Variants in COG6 observed in about 807,000 individuals in gnomAD.
COG6 encodes conserved oligomeric Golgi complex subunit 6.
Under a neutral mutation model 88.8 loss-of-function variants are expected in COG6, and 74 were observed. The observed-to-expected ratio is 0.83, with a 90% CI of 0.69 to 1.01. The LOEUF (loss-of-function observed/expected upper bound fraction) is 1.01, where lower values mean the gene tolerates loss of function less well. Among genes scored for constraint, COG6 ranks in the 50% least tolerant of loss-of-function variants. The probability of loss-of-function intolerance (pLI) is 0.00; values close to 1 mark genes in which losing one functional copy is unlikely to be tolerated. For synonymous variants in COG6, 286 were observed against 278.7 expected (o/e 1.03, Z -0.26); for missense variants, 800 against 797.9 (o/e 1.00, Z -0.03).
chr13:39,782,963 G>A (rs1257049292), intron 18 of COG6, among the ~76,000 whole-genome samples: 1 of 152,208 alleles, frequency 6.6e-6, no homozygotes, highest in Non-Finnish European at 1.5e-5. Flanking sequence ...ATGATGGTTA[G>A]ACAAGTATGT....
intron 5 of COG6, chr13:39,678,019 C>T: frequency 4.5e-6 from 2 of 442,000 alleles, no homozygotes; most frequent in Non-Finnish European, 9.0e-6. Context: ...CATATGTTCT[C>T]TTTATCTCCT....
At chr13:39,754,765 G>A (rs979126810), downstream of COG6, among the ~76,000 whole-genome samples, 8 of 152,138 alleles carry the variant, frequency 5.3e-5, no homozygotes, top group Non-Finnish European at 7.4e-5. Flanking sequence ...TGTGTTTCCC[G>A]TTGAGGAATT....
chr13:39,752,584 AT>A lies in COG6; in HGVS notation c.*1493del. 1 of 1,263,826 alleles carries A rather than the reference AT, an allele frequency of 7.9e-7. No homozygotes were observed. Among genetic ancestry groups the A allele is most frequent in the Non-Finnish European group, 1.0e-6 (1 of 972,912 alleles). 78.3% of individuals were successfully genotyped at this position (1,263,826 alleles called of 1,614,324 possible). ...TTCCTTTGTTTTATAGGGAAAATTT[AT>A]TGTGCTTTTTACCTGGTTTTTTCAA... On this transcript the variant is annotated 3_prime_UTR_variant, in exon 19 of 19. Coordinates refer to ENST00000455146, the MANE Select transcript of COG6 (RefSeq NM_020751.3).
Position 39,699,615 on chromosome 13 carries a change from C to A in COG6, c.1281C>A (p.Asp427Glu). The A allele has an allele frequency of 7.7e-7, 1 of 1,294,416 alleles. No individual in the cohort carries two copies. The highest frequency in any genetic ancestry group is 1.2e-5 in the South Asian group (1 of 84,264). 80.2% of individuals were successfully genotyped at this position (1,294,416 alleles called of 1,614,324 possible). Residue 427 changes from aspartate (D) to glutamate (E), a missense_variant, in exon 13 of 19, where the codon GAC becomes GAA. Coordinates refer to ENST00000455146, the MANE Select transcript of COG6 (RefSeq NM_020751.3). Reference protein sequence around the residue: ...SLSLHASKLMDKVELPPPDLG... With the variant: ...SLSLHASKLMEKVELPPPDLG... ...GTCTTCATGCAAGTAAATTAATGGA[C>A]AAGGTATGTTTGAAAAATGTAATTA...
At position 39,750,925 on chromosome 13, in the gene COG6, A is replaced by G. The variant is rs1880586682; in HGVS notation, c.1827-21A>G. On this transcript the variant is annotated intron_variant, in intron 18 of 18. Coordinates refer to ENST00000455146, the MANE Select transcript of COG6 (RefSeq NM_020751.3). ...TATTTTTTTCAAATGATGTGTTTAC[A>G]TTTTGTTTGCTTATCAATAGAGAGC... The G allele has an allele frequency of 3.7e-6, 6 of 1,604,138 alleles. No individual in the cohort carries two copies. The African/African-American group carries it at 4.0e-5, about 11-fold the overall frequency.
Position 39,679,568 on chromosome 13 carries a change from CAGA to C in COG6, c.572_574del (p.Gln191_Ile192delinsLeu). 1 of 1,601,992 alleles carries C rather than the reference CAGA, an allele frequency of 6.2e-7. No homozygotes were observed. The highest frequency in any genetic ancestry group is 1.3e-5 in the African/African-American group (1 of 74,776). ...TTTCAAGGCACTGGGAAGAGTAAAA[CAGA>C]TTCATAATGATGTCAAAGTTCTCTT... On this transcript the variant is annotated inframe_deletion, in exon 6 of 19. Transcript: ENST00000455146.
chr13:39,706,607 A>G (rs1173589069), intron 13 of COG6, among the ~76,000 whole-genome samples: 1 of 141,848 alleles, frequency 7.0e-6, no homozygotes, highest in Non-Finnish European at 1.6e-5. Flanking sequence ...ATAGCTCTAC[A>G]CATTTAAAAA....
chr13:39,782,369 C>T (rs1448605725), intron 18 of COG6, among the ~76,000 whole-genome samples: 1 of 152,180 alleles, frequency 6.6e-6, no homozygotes, highest in African/African-American at 2.4e-5. Context: ...AGATGCAGAT[C>T]TATTTTAGTT....
At chr13:39,726,174 A>G (rs1440759996) in intron 17 of COG6, among the ~76,000 whole-genome samples, 1 of 151,926 alleles carries the variant, frequency 6.6e-6, no homozygotes, top group African/African-American at 2.4e-5. Context: ...TCAATTCAGC[A>G]TGTCCAAAAC....
chr13:39,684,812 A>G (rs1167378237), intron 8 of COG6, among the ~76,000 whole-genome samples: 1 of 152,212 alleles, frequency 6.6e-6, no homozygotes, highest in Non-Finnish European at 1.5e-5. Flanking sequence ...TAAGTATTAT[A>G]TACAAGAAAA....
In COG6 at chr13:39,679,552, A is replaced by C. The variant is rs757250666; in HGVS notation, c.555A>C (p.Ala185=). The change falls in exon 6 of 19, where the codon GCA becomes GCC. Residue 185 remains alanine, a synonymous_variant. Coordinates refer to ENST00000455146, the MANE Select transcript of COG6 (RefSeq NM_020751.3). ...TAATTTTAAAGGATTTTTTCAAGGCACTGGGAAGAGTAAAACAGATTCATA... is the reference window on the plus strand; with the variant it reads ...TAATTTTAAAGGATTTTTTCAAGGCCCTGGGAAGAGTAAAACAGATTCATA... ...EGPITEDFFK[A]LGRVKQIHND... The C allele has an allele frequency of 6.3e-7, 1 of 1,590,356 alleles. No homozygotes were observed. Among genetic ancestry groups the C allele is most frequent in the Non-Finnish European group, 8.6e-7 (1 of 1,158,544 alleles).
intron 15 of COG6, among the ~76,000 whole-genome samples, chr13:39,720,567 T>C (rs1325821937): frequency 6.6e-6 from 1 of 152,084 alleles, no homozygotes; most frequent in Non-Finnish European, 1.5e-5. Context: ...TTAAAATAAA[T>C]GTATCAGAAT....
intron 13 of COG6, 79 bp downstream of exon 13, chr13:39,699,697 A>G (rs1877469110): frequency 2.6e-6 from 2 of 770,060 alleles, no homozygotes; most frequent in East Asian, 5.1e-5. Flanking sequence ...GTATTGATTG[A>G]TAACTTTTCC....
intron 17 of COG6, among the ~76,000 whole-genome samples, chr13:39,725,914 G>C (rs146612575): frequency 1.3e-5 from 2 of 151,836 alleles, no homozygotes; most frequent in Non-Finnish European, 2.9e-5. Context: ...ACATTAGTTA[G>C]TACCAAATAT....
intron 15 of COG6, among the ~76,000 whole-genome samples, chr13:39,722,247 T>C (rs1376349267): frequency 1.3e-5 from 2 of 152,044 alleles, no homozygotes; most frequent in Non-Finnish European, 2.9e-5. Context: ...CACTTTGTTT[T>C]TCTTTGGTTT....
chr13:39,724,915 C>T (rs1015567014), intron 17 of COG6, among the ~76,000 whole-genome samples: 2 of 151,886 alleles, frequency 1.3e-5, no homozygotes, highest in Admixed American at 6.6e-5. Flanking sequence ...CTTGATCCTT[C>T]GTTTAAAGTT....
At chr13:39,658,712 G>C (rs1426398952) in intron 1 of COG6, among the ~76,000 whole-genome samples, 1 of 152,118 alleles carries the variant, frequency 6.6e-6, no homozygotes, top group East Asian at 1.9e-4. Flanking sequence ...TGTTTGCTCT[G>C]TCTGTGGAAG....
At chr13:39,666,550 T>C (rs572945997) in intron 4 of COG6, among the ~76,000 whole-genome samples, 1 of 152,338 alleles carries the variant, frequency 6.6e-6, no homozygotes, top group East Asian at 1.9e-4. Context: ...GGCAAGTACA[T>C]GACCCCCAAC....
chr13:39,659,293 C>A, intron 1 of COG6, 71 bp from the exon 2 acceptor site: 1 of 1,382,130 alleles, frequency 7.2e-7, no homozygotes, highest in Non-Finnish European at 1.0e-6. Flanking sequence ...GATTTCATTA[C>A]ATTTTGTCTT....
Sources: gnomAD v4.1 joint callset for allele counts (sites outside exome capture counted in the v4.1 genomes callset) on GRCh38, gnomAD v4.1.1 for gene constraint, MANE v1.5 for transcripts, NCBI Gene and HGNC (gene_info 2026-07-23, HGNC 2026-07-21) for gene names.